FRK: variants seen among roughly 807,000 people sequenced by gnomAD.
FRK encodes the protein tyrosine-protein kinase FRK.
In FRK, 51 loss-of-function variants were observed where a neutral mutation model predicts 56.4. That is an observed-to-expected ratio of 0.90 (90% confidence interval 0.72 to 1.14). FRK has a LOEUF of 1.14. Ranked by LOEUF, FRK falls within the 50% of genes most tolerant of loss-of-function variation. FRK has a pLI of 0.00. For synonymous variants in FRK, 245 were observed against 217.9 expected (o/e 1.12, Z -1.10); for missense variants, 570 against 601.4 (o/e 0.95, Z 0.55).
At chr6:116,054,111 A>G (rs1777284202) in intron 1 of FRK, among the ~76,000 whole-genome samples, 2 of 151,746 alleles carry the variant, frequency 1.3e-5, no homozygotes, top group South Asian at 4.1e-4. Context: ...TAACAAATTG[A>G]GTTAGTTATA....
At chr6:116,050,115 T>A (rs1032287335) in intron 1 of FRK, among the ~76,000 whole-genome samples, 4 of 152,218 alleles carry the variant, frequency 2.6e-5, no homozygotes, top group Non-Finnish European at 4.4e-5. Context: ...ACTCTTGATA[T>A]CCTGGACCTG....
At chr6:115,990,699 G>A (rs1373763991) in intron 2 of FRK, among the ~76,000 whole-genome samples, 1 of 151,782 alleles carries the variant, frequency 6.6e-6, no homozygotes, top group African/African-American at 2.4e-5. Context: ...CATGAAGTTG[G>A]GTAATGTGAT....
intron 2 of FRK, among the ~76,000 whole-genome samples, chr6:115,992,111 CTTTCAAAGAAATAACTT>C (rs1774637604): frequency 6.6e-6 from 1 of 151,236 alleles, no homozygotes; most frequent in African/African-American, 2.4e-5. Flanking sequence ...TTTGTTTATC[CTTTCAAAGAAATAACTT>C]TTTCATTTCA....
In FRK at chr6:115,967,558, T is replaced by C. The variant is rs779465242; in HGVS notation, c.792A>G (p.Leu264=). 1 of 1,612,906 alleles carries C rather than the reference T, an allele frequency of 6.2e-7. No homozygotes were observed. The highest frequency in any genetic ancestry group is 1.1e-5 in the South Asian group (1 of 90,830). Residue 264 remains leucine, a synonymous_variant, in exon 4 of 8, where the codon TTA becomes TTG. Coordinates refer to ENST00000606080, the MANE Select transcript of FRK (RefSeq NM_002031.3). ...NNTTPVAVKT[L]KPGSMDPNDF... The stretch of plus-strand genomic sequence containing the variant: ...CCTTTATTGTTCTCGCACCTGGTTT[T>C]AATGTTTTCACTGCTACTGGAGTGG...
chr6:116,031,388 A>G (rs892770332), intron 1 of FRK, among the ~76,000 whole-genome samples: 1 of 152,188 alleles, frequency 6.6e-6, no homozygotes, highest in African/African-American at 2.4e-5. Flanking sequence ...AAATGTCATT[A>G]TAACATAACA....
At chr6:115,984,954 G>T (rs1774337127) in intron 2 of FRK, among the ~76,000 whole-genome samples, 1 of 152,068 alleles carries the variant, frequency 6.6e-6, no homozygotes, top group South Asian at 2.1e-4. Flanking sequence ...GCTTCAATAA[G>T]CACATCCTTG....
chr6:115,969,628 C>T (rs769680156), intron 2 of FRK, among the ~76,000 whole-genome samples: 4 of 152,116 alleles, frequency 2.6e-5, no homozygotes, highest in African/African-American at 4.8e-5. Flanking sequence ...ACCCCAATTC[C>T]GGGACTTAAT....
intron 1 of FRK, among the ~76,000 whole-genome samples, chr6:116,012,560 G>A (rs1775510554): frequency 6.6e-6 from 1 of 152,202 alleles, no homozygotes; most frequent in South Asian, 2.1e-4. Flanking sequence ...TAAGGACAGA[G>A]TCTGATAACT....
In FRK at chr6:115,944,300, C is replaced by T. The variant is rs1029041198; in HGVS notation, c.1084G>A (p.Val362Ile). 4 of 1,613,028 alleles carry T rather than the reference C, an allele frequency of 2.5e-6. No individual in the cohort carries two copies. Among genetic ancestry groups the T allele is most frequent in the South Asian group, 1.1e-5 (1 of 91,028 alleles). ...ACTTTGTAGATATTATGTTCACCAA[C>T]GAGGACATTTCTGGCAGCCAGATCT... ...HRDLAARNVLVGEHNIYKVAD... is the reference protein window; with the variant it reads ...HRDLAARNVLIGEHNIYKVAD... Residue 362 changes from valine (V) to isoleucine (I), a missense_variant, in exon 6 of 8, where the codon GTT (valine) becomes ATT (isoleucine). Physicochemically the swap from Val to Ile is conservative, Grantham distance 29. Transcript: ENST00000606080.
intron 1 of FRK, among the ~76,000 whole-genome samples, chr6:116,029,790 TC>T (rs1195283705): frequency 6.6e-6 from 1 of 152,146 alleles, no homozygotes; most frequent in Non-Finnish European, 1.5e-5. Flanking sequence ...TCCAGATCTA[TC>T]AGTCACCCCT....
the FRK span, among the ~76,000 whole-genome samples, chr6:116,072,288 G>A: frequency 6.6e-6 from 1 of 152,054 alleles, no homozygotes; most frequent in African/African-American, 2.4e-5. Context: ...ATAAATATAT[G>A]TTGAGTGATT....
At chr6:115,944,448 G>A (rs1472754977) in intron 5 of FRK, 23 bp from the exon 6 acceptor site, 1 of 1,563,166 alleles carries the variant, frequency 6.4e-7, no homozygotes, top group Non-Finnish European at 8.7e-7. Context: ...AGAAAAGTAA[G>A]AAAGTTACCT....
chr6:116,003,319 AC>A (rs1775133363), intron 2 of FRK, among the ~76,000 whole-genome samples: 1 of 152,222 alleles, frequency 6.6e-6, no homozygotes, highest in South Asian at 2.1e-4. Context: ...ATATTTAGGT[AC>A]CTGTAACTAC....
the FRK span, among the ~76,000 whole-genome samples, chr6:116,083,834 T>TC: frequency 2.4e-4 from 36 of 151,868 alleles, no homozygotes; most frequent in Non-Finnish European, 3.4e-4. Flanking sequence ...TAATTTTTTT[T>TC]TTTTTTTGGA....
At chr6:116,095,667 T>C in the FRK span, among the ~76,000 whole-genome samples, 1 of 152,160 alleles carries the variant, frequency 6.6e-6, no homozygotes. Flanking sequence ...TACTTCATGA[T>C]CCTACTACCA....
intron 4 of FRK, among the ~76,000 whole-genome samples, chr6:115,961,628 T>C (rs1190359098): frequency 1.3e-5 from 1 of 75,782 alleles, no homozygotes; most frequent in African/African-American, 5.4e-5. Flanking sequence ...GGAAAAAATG[T>C]GAAGGGCAGC....
intron 1 of FRK, among the ~76,000 whole-genome samples, chr6:116,041,701 C>T (rs751193808): frequency 1.3e-5 from 2 of 152,162 alleles, no homozygotes; most frequent in Non-Finnish European, 2.9e-5. Flanking sequence ...CCGTGAGGAA[C>T]GGTGCACTCC....
Position 116,018,174 on chromosome 6 carries a change from C to T in FRK, c.345-14176G>A, listed in dbSNP as rs139590051. ...CCAGGGATTTTACAACAAAATTCTC[C>T]ATGTTTCTGTATGCAAAGCAGTTTG... On this transcript the variant is annotated intron_variant, in intron 1 of 7. Transcript: ENST00000606080. Among the ~76,000 whole-genome samples the T allele has an allele frequency of 2.5e-4, 38 of 152,238 alleles. 1 individual carries two copies. Among genetic ancestry groups the T allele is most frequent in the African/African-American group, 9.1e-4 (38 of 41,542 alleles).
Position 115,966,031 on chromosome 6 carries a change from C to G in FRK, c.799+1520G>C, listed in dbSNP as rs556189399. On this transcript the variant is annotated intron_variant, in intron 4 of 7. Coordinates refer to ENST00000606080, the MANE Select transcript of FRK (RefSeq NM_002031.3). ...TAACCTGCACAATGTGCACATGTAC[C>G]CTAAAACTTAAAGTATAATAAAAAA... is the stretch of plus-strand genomic sequence containing the variant. Among the ~76,000 whole-genome samples the G allele has an allele frequency of 4.2e-3, 378 of 90,764 alleles. 1 individual carries two copies. Among genetic ancestry groups the G allele is most frequent in the Admixed American group, 7.2e-3 (52 of 7,258 alleles). 59.5% of individuals were successfully genotyped at this position (90,764 alleles called of 152,430 possible).
Sources: gnomAD v4.1 joint callset for allele counts (sites outside exome capture counted in the v4.1 genomes callset) on GRCh38, gnomAD v4.1.1 for gene constraint, MANE v1.5 for transcripts, NCBI Gene and HGNC (gene_info 2026-07-23, HGNC 2026-07-21) for gene names.